PDC: variants seen among roughly 807,000 people sequenced by gnomAD.
The protein encoded by PDC is 33 kDa phototransducing protein.
Under a neutral mutation model 22.2 loss-of-function variants are expected in PDC, and 19 were observed. That is an observed-to-expected ratio of 0.86 (90% CI 0.60 to 1.26). The LOEUF is 1.26. Ranked by LOEUF, PDC falls within the 50% of genes most tolerant of loss-of-function variation. PDC has a pLI of 0.00. For missense variants in PDC, 274 were observed against 286.8 expected (o/e 0.96, Z 0.32); for synonymous variants, 97 against 96.2 (o/e 1.01, Z -0.05).
At chr1:186,454,368 G>A (rs944499720) in intron 1 of PDC, among the ~76,000 whole-genome samples, 9 of 151,590 alleles carry the variant, frequency 5.9e-5, no homozygotes, top group South Asian at 2.1e-4. Flanking sequence ...TAGTAGACAC[G>A]GGGTTTCACC....
chr1:186,456,318 T>G (rs1662471805), intron 1 of PDC, among the ~76,000 whole-genome samples: 1 of 152,090 alleles, frequency 6.6e-6, no homozygotes, highest in South Asian at 2.1e-4. Flanking sequence ...TTTCAATAAC[T>G]GTTACTATCC....
rs1276337751 is a variant in PDC at position 186,444,478 on chromosome 1, T to C, written c.242A>G (p.His81Arg). ...GCAGTTTTCATCCTCTTTCTCTTTA[T>C]GGATTAGTTCATATTCTTGAATGCT... Reference protein sequence around the residue: ...KMSIQEYELIHKEKEDENCLR... With the variant: ...KMSIQEYELIRKEKEDENCLR... The change falls in exon 4 of 4, where the codon CAT becomes CGT. Residue 81 changes from histidine (H) to arginine (R), a missense_variant. Transcript: ENST00000391997. 13 of 1,603,878 alleles carry C rather than the reference T, an allele frequency of 8.1e-6. No homozygotes were observed. The highest frequency in any genetic ancestry group is 1.0e-5 in the Non-Finnish European group (12 of 1,171,484).
intron 2 of PDC, among the ~76,000 whole-genome samples, chr1:186,446,824 A>C (rs980646363): frequency 6.6e-6 from 1 of 152,190 alleles, no homozygotes; most frequent in African/African-American, 2.4e-5. Flanking sequence ...AATATAAATT[A>C]TGCACTTTGA....
chr1:186,459,862 T>A (rs901886126), intron 1 of PDC, among the ~76,000 whole-genome samples: 6 of 149,350 alleles, frequency 4.0e-5, no homozygotes, highest in Non-Finnish European at 5.9e-5. Context: ...GCACTCATTT[T>A]CATGATGCAA....
At chr1:186,456,463 A>C (rs1297178046) in intron 1 of PDC, among the ~76,000 whole-genome samples, 1 of 152,126 alleles carries the variant, frequency 6.6e-6, no homozygotes, top group Non-Finnish European at 1.5e-5. Flanking sequence ...TCTTATTCTC[A>C]TACTGGTCTC....
intron 1 of PDC, among the ~76,000 whole-genome samples, chr1:186,457,657 A>G (rs888121865): frequency 1.3e-5 from 2 of 152,074 alleles, no homozygotes; most frequent in Non-Finnish European, 2.9e-5. Flanking sequence ...TAATTTTGGG[A>G]TAGGTCAATT....
Position 186,444,497 on chromosome 1 carries a change from G to T in PDC, c.223C>A (p.Gln75Lys), listed in dbSNP as rs1277575099. ...KERVSRKMSI[Q>K]EYELIHKEKE... Reference sequence around the variant, plus strand: ...TCTTTATGGATTAGTTCATATTCTTGAATGCTCATCTGAGAATAAAGAAAT... The same window carrying T: ...TCTTTATGGATTAGTTCATATTCTTTAATGCTCATCTGAGAATAAAGAAAT... Residue 75 changes from glutamine (Q) to lysine (K), a missense_variant, in exon 4 of 4, where the codon CAA becomes AAA. Gln to Lys is a moderately conservative substitution (Grantham distance 53, BLOSUM62 1). Transcript: ENST00000391997. 1 of 1,581,614 alleles carries T rather than the reference G, an allele frequency of 6.3e-7. No homozygotes were observed. Among genetic ancestry groups the T allele is most frequent in the Non-Finnish European group, 8.7e-7 (1 of 1,153,618 alleles).
rs71104862 is a variant in PDC, at chr1:186,455,797, T to TAAAAAAAAAAAAA, written c.-25+5249_-25+5261dup. Among the ~76,000 whole-genome samples the TAAAAAAAAAAAAA allele has an allele frequency of 7.9e-4, 31 of 39,350 alleles. 2 individuals are homozygous for TAAAAAAAAAAAAA. The highest frequency in any genetic ancestry group is 3.0e-3 in the African/African-American group (27 of 8,980). The allele number at this position is 39,350 out of a possible 152,430, so 25.8% of individuals were successfully genotyped here. ...TAACACGGTGAAACCCCGTCTCTAC[T>TAAAAAAAAAAAAA]AAAAAAAAAAAAAAAAAAAAAAAAA... On this transcript the variant is annotated intron_variant, in intron 1 of 3. Coordinates refer to ENST00000391997, the MANE Select transcript of PDC (RefSeq NM_002597.5).
At chr1:186,452,480 C>T (rs1473642691) in intron 1 of PDC, among the ~76,000 whole-genome samples, 3 of 152,094 alleles carry the variant, frequency 2.0e-5, no homozygotes, top group African/African-American at 4.8e-5. Context: ...ACAAGTGAAC[C>T]GCCTGCCTTG....
intron 2 of PDC, among the ~76,000 whole-genome samples, chr1:186,448,115 T>G (rs1435932702): frequency 1.3e-5 from 2 of 152,176 alleles, no homozygotes; most frequent in African/African-American, 4.8e-5. Context: ...GAGTGAAGAA[T>G]CTTGTGCATA....
chr1:186,446,530 G>T lies in PDC; in HGVS notation c.109C>A (p.Gln37Lys). 1.3e-6 allele frequency: 2 copies of T among 1,595,934 alleles called. No homozygotes were observed. Among genetic ancestry groups the T allele is most frequent in the South Asian group, 1.1e-5 (1 of 89,896 alleles). ...NDWRKFKLES[Q>K]DSDSIPPSKK... is the part of the protein sequence containing the mutation. ...CTAGGTGGAATTGAATCACTGTCTTGACTCTCTAATTTAAACTTTCTCCAA... is the reference window on the plus strand; with the variant it reads ...CTAGGTGGAATTGAATCACTGTCTTTACTCTCTAATTTAAACTTTCTCCAA... The change falls in exon 3 of 4, where the codon CAA (glutamine) becomes AAA (lysine). Residue 37 changes from glutamine to lysine, a missense_variant. Transcript: ENST00000391997.
At chr1:186,449,699 A>G (rs1268750658) in intron 1 of PDC, among the ~76,000 whole-genome samples, 2 of 152,188 alleles carry the variant, frequency 1.3e-5, no homozygotes, top group Non-Finnish European at 2.9e-5. Context: ...AACATGTGTT[A>G]TTAAAGATGT....
At chr1:186,446,365 A>G in intron 3 of PDC, 61 bp downstream of exon 3, 1 of 1,252,994 alleles carries the variant, frequency 8.0e-7, no homozygotes, top group South Asian at 1.6e-5. Context: ...GATTCTCTAG[A>G]TTGATTTAGA....
chr1:186,460,194 G>C (rs1368865094), intron 1 of PDC, among the ~76,000 whole-genome samples: 1 of 152,120 alleles, frequency 6.6e-6, no homozygotes, highest in Non-Finnish European at 1.5e-5. Context: ...TGTGATTACA[G>C]TTACCCTTGG....
intron 1 of PDC, among the ~76,000 whole-genome samples, chr1:186,452,204 T>A (rs921991688): frequency 6.6e-6 from 1 of 152,210 alleles, no homozygotes. Flanking sequence ...AAATCTTATC[T>A]TTTTCAAAAT....
rs1192130905 is a variant in PDC at position 186,444,267 on chromosome 1, T to A, written c.453A>T (p.Leu151=). ...YEDGIKGCDA[L]NSSLTCLAAE... ...CTGCAAGGCATGTTAAACTACTGTTTAGAGCATCACAACCCTTAATACCAT... is the reference window on the plus strand; with the variant it reads ...CTGCAAGGCATGTTAAACTACTGTTAAGAGCATCACAACCCTTAATACCAT... The change falls in exon 4 of 4, where the codon CTA becomes CTT. Residue 151 remains leucine (L), a synonymous_variant. Transcript: ENST00000391997. The A allele has an allele frequency of 1.2e-6, 2 of 1,613,940 alleles. No individual in the cohort carries two copies. Among genetic ancestry groups the A allele is most frequent in the African/African-American group, 1.3e-5 (1 of 74,930 alleles).
intron 1 of PDC, among the ~76,000 whole-genome samples, chr1:186,458,602 G>A (rs1362216499): frequency 1.3e-5 from 2 of 151,092 alleles, no homozygotes; most frequent in African/African-American, 2.5e-5. Flanking sequence ...TCTGCTAGAC[G>A]CCTGCATCTG....
intron 1 of PDC, among the ~76,000 whole-genome samples, chr1:186,454,173 T>C (rs1438975690): frequency 3.7e-5 from 5 of 134,244 alleles, no homozygotes; most frequent in Non-Finnish European, 6.2e-5. Flanking sequence ...TCTTTCTTTT[T>C]TTTTTTTTTT....
At chr1:186,450,538 G>A (rs2102132452) in intron 1 of PDC, among the ~76,000 whole-genome samples, 1 of 151,730 alleles carries the variant, frequency 6.6e-6, no homozygotes, top group South Asian at 2.1e-4. Flanking sequence ...TTGGTATGTT[G>A]CCCAGGCTAG....
Sources: gnomAD v4.1 joint callset for allele counts (sites outside exome capture counted in the v4.1 genomes callset) on GRCh38, gnomAD v4.1.1 for gene constraint, MANE v1.5 for transcripts, NCBI Gene and HGNC (gene_info 2026-07-23, HGNC 2026-07-21) for gene names.